The following GRM5 variants were observed in gnomAD, a reference collection of about 807,000 sequenced individuals.
GRM5 encodes the protein metabotropic glutamate receptor 5.
In GRM5, 19 loss-of-function variants were observed where a neutral mutation model predicts 83.1. The ratio of observed to expected loss-of-function variants is 0.23; its 90% CI spans 0.16 to 0.34. GRM5 has a LOEUF of 0.34. Ranked by LOEUF, GRM5 falls within the 10% of genes least tolerant of loss-of-function variation. The pLI is 1.00. For missense variants in GRM5, 1,160 were observed against 1,588.3 expected, an observed-to-expected ratio of 0.73 and a Z score of 4.58; for synonymous variants, 675 against 633.6, an observed-to-expected ratio of 1.07 and a Z score of -0.98.
At chr11:89,064,876 C>G (rs1419202210) in intron 1 of GRM5, among the ~76,000 whole-genome samples, 7 of 47,460 alleles carry the variant, frequency 1.5e-4, no homozygotes, top group East Asian at 8.3e-4. Flanking sequence ...CTCTCTCTCT[C>G]TCTCTCTCTC....
chr11:88,598,775 A>G (rs1937892735), intron 5 of GRM5, among the ~76,000 whole-genome samples: 1 of 152,216 alleles, frequency 6.6e-6, no homozygotes, highest in South Asian at 2.1e-4. Context: ...TGGGAGAAAG[A>G]GAAATGTCAG....
intron 2 of GRM5, among the ~76,000 whole-genome samples, chr11:88,928,907 T>TATATATACACACACACAC (rs369951090): frequency 2.9e-5 from 4 of 138,674 alleles, no homozygotes; most frequent in African/African-American, 5.6e-5. Flanking sequence ...TATGTGTATA[T>TATATATACACACACACAC]ACACACACAC....
chr11:89,017,351 G>T (rs1046999674), intron 2 of GRM5, among the ~76,000 whole-genome samples: 30 of 152,146 alleles, frequency 2.0e-4, no homozygotes, highest in African/African-American at 7.0e-4. Flanking sequence ...TCATTCTTGA[G>T]ACAGATTCAT....
chr11:88,540,618 C>G (rs1942244723), intron 8 of GRM5, among the ~76,000 whole-genome samples: 1 of 152,126 alleles, frequency 6.6e-6, no homozygotes. Flanking sequence ...ACATGGCCAT[C>G]AAAAGAATCA....
intron 3 of GRM5, among the ~76,000 whole-genome samples, chr11:88,820,803 G>T (rs1036551782): frequency 6.6e-5 from 10 of 152,098 alleles, no homozygotes; most frequent in Non-Finnish European, 1.0e-4. Flanking sequence ...GTGTCCTTTG[G>T]AGGCATGGAT....
At chr11:88,643,883 A>G (rs1241232123) in intron 4 of GRM5, among the ~76,000 whole-genome samples, 2 of 152,210 alleles carry the variant, frequency 1.3e-5, no homozygotes, top group Non-Finnish European at 2.9e-5. Flanking sequence ...CAACATTCTG[A>G]TGCATAAGGA....
intron 8 of GRM5, among the ~76,000 whole-genome samples, chr11:88,551,591 AG>A (rs1233561620): frequency 6.6e-6 from 1 of 152,166 alleles, no homozygotes; most frequent in African/African-American, 2.4e-5. Context: ...GTCAAGCTTT[AG>A]AGAAATTGAT....
intron 3 of GRM5, among the ~76,000 whole-genome samples, chr11:88,668,977 G>A (rs1940123030): frequency 6.6e-6 from 1 of 152,084 alleles, no homozygotes; most frequent in Non-Finnish European, 1.5e-5. Flanking sequence ...GCAAAGTGGT[G>A]CAACCACTAT....
intron 7 of GRM5, among the ~76,000 whole-genome samples, chr11:88,589,694 GC>G (rs1937607259): frequency 6.6e-6 from 1 of 152,100 alleles, no homozygotes; most frequent in Non-Finnish European, 1.5e-5. Context: ...TGCCTGCAAG[GC>G]TTTTTTCCTC....
chr11:88,557,909 T>G (rs1406618023), intron 8 of GRM5, among the ~76,000 whole-genome samples: 1 of 152,120 alleles, frequency 6.6e-6, no homozygotes, highest in Non-Finnish European at 1.5e-5. Context: ...GAGATTCAAC[T>G]CAAGTGTCAC....
At chr11:88,696,295 T>C (rs897606377) in intron 3 of GRM5, among the ~76,000 whole-genome samples, 5 of 152,098 alleles carry the variant, frequency 3.3e-5, no homozygotes, top group Non-Finnish European at 7.4e-5. Context: ...ACTGCTTGTG[T>C]CTGTGCCTGC....
At chr11:88,908,295 A>T (rs770912044) in intron 2 of GRM5, among the ~76,000 whole-genome samples, 1 of 152,118 alleles carries the variant, frequency 6.6e-6, no homozygotes, top group Non-Finnish European at 1.5e-5. Flanking sequence ...TGATCGCATG[A>T]TATATTTTGA....
At chr11:88,903,837 CTT>C (rs1294284825) in intron 2 of GRM5, among the ~76,000 whole-genome samples, 1 of 152,170 alleles carries the variant, frequency 6.6e-6, no homozygotes, top group Admixed American at 6.5e-5. Context: ...AAAGATCTGA[CTT>C]TACCGCTGTG....
At chr11:88,891,414 A>C (rs1945142341) in intron 2 of GRM5, among the ~76,000 whole-genome samples, 1 of 152,066 alleles carries the variant, frequency 6.6e-6, no homozygotes, top group African/African-American at 2.4e-5. Flanking sequence ...CAAGTTTCGA[A>C]ATTGTCTTTC....
intron 2 of GRM5, among the ~76,000 whole-genome samples, chr11:88,903,762 G>C (rs867465695): frequency 2.2e-4 from 33 of 152,174 alleles, no homozygotes; most frequent in African/African-American, 6.8e-4. Flanking sequence ...TAGTGGAGAG[G>C]AGCACAGATT....
intron 2 of GRM5, among the ~76,000 whole-genome samples, chr11:89,026,096 G>A (rs933275360): frequency 6.6e-6 from 1 of 152,158 alleles, no homozygotes; most frequent in African/African-American, 2.4e-5. Flanking sequence ...TCACTTGTAA[G>A]GATGAGCTAA....
chr11:89,003,639 G>T (rs2135074408), intron 2 of GRM5, among the ~76,000 whole-genome samples: 1 of 152,188 alleles, frequency 6.6e-6, no homozygotes, highest in Admixed American at 6.5e-5. Flanking sequence ...AGTTTTAAAG[G>T]AAATCTGCTA....
intron 2 of GRM5, among the ~76,000 whole-genome samples, chr11:89,040,872 T>A (rs1350077637): frequency 2.0e-5 from 3 of 152,194 alleles, no homozygotes; most frequent in African/African-American, 4.8e-5. Context: ...GTTTTGAGGA[T>A]CTCTATTCTT....
intron 2 of GRM5, among the ~76,000 whole-genome samples, chr11:88,872,979 A>G (rs1457283195): frequency 2.0e-5 from 3 of 150,326 alleles, no homozygotes; most frequent in Non-Finnish European, 4.5e-5. Flanking sequence ...CATTTCATCT[A>G]TAAAGATACA....
Sources: gnomAD v4.1 joint callset for allele counts (sites outside exome capture counted in the v4.1 genomes callset) on GRCh38, gnomAD v4.1.1 for gene constraint, MANE v1.5 for transcripts, NCBI Gene and HGNC (gene_info 2026-07-23, HGNC 2026-07-21) for gene names.